PRKG2: variants seen among roughly 807,000 people sequenced by gnomAD.
The protein encoded by PRKG2 is protein kinase cGMP-dependent 2, also known as cGMP-dependent protein kinase 2.
PRKG2 carries 33 observed loss-of-function variants against 97.2 expected under a neutral mutation model. The ratio of observed to expected loss-of-function variants is 0.34; its 90% confidence interval spans 0.26 to 0.45. PRKG2 has a LOEUF of 0.45. Among genes scored for constraint, PRKG2 ranks in the 20% least tolerant of loss-of-function variants. PRKG2 has a pLI of 1.00. For missense variants in PRKG2, 638 were observed against 900.0 expected (o/e 0.71, Z 3.73); for synonymous variants, 330 against 321.8 (o/e 1.03, Z -0.27).
At chr4:81,125,329 AGAC>A (rs1179897707) in intron 14 of PRKG2, among the ~76,000 whole-genome samples, 11 of 152,170 alleles carry the variant, frequency 7.2e-5, no homozygotes, top group Admixed American at 3.9e-4. Flanking sequence ...TTTTTCTCAG[AGAC>A]GACCATTGTA....
intron 14 of PRKG2, among the ~76,000 whole-genome samples, chr4:81,125,089 T>A (rs561824036): frequency 2.0e-5 from 3 of 152,322 alleles, no homozygotes; most frequent in Admixed American, 1.3e-4. Context: ...CTTAAATGTA[T>A]CTTTCAGTTC....
chr4:81,186,001 T>G (rs369127563), intron 2 of PRKG2, among the ~76,000 whole-genome samples: 1 of 152,242 alleles, frequency 6.6e-6, no homozygotes, highest in South Asian at 2.1e-4. Context: ...CAAAGAGACT[T>G]AGCCTCCCAC....
intron 8 of PRKG2, among the ~76,000 whole-genome samples, 175 bp downstream of exon 8, chr4:81,151,785 C>A (rs1040227509): frequency 3.3e-5 from 5 of 152,078 alleles, no homozygotes; most frequent in African/African-American, 1.2e-4. Flanking sequence ...ATTTCCTCTG[C>A]AAATTAGCAT....
At chr4:81,135,722 G>A (rs891744127) in intron 13 of PRKG2, among the ~76,000 whole-genome samples, 1 of 152,052 alleles carries the variant, frequency 6.6e-6, no homozygotes, top group Non-Finnish European at 1.5e-5. Context: ...TGCATAGCAC[G>A]TCAGAGTAAC....
chr4:81,179,416 A>G (rs1167487912), intron 2 of PRKG2, among the ~76,000 whole-genome samples: 6 of 152,228 alleles, frequency 3.9e-5, no homozygotes, highest in African/African-American at 1.2e-4. Flanking sequence ...GCCTATTTCA[A>G]TATCTTTACC....
intron 17 of PRKG2, among the ~76,000 whole-genome samples, chr4:81,095,177 C>CA (rs1741996654): frequency 1.3e-5 from 2 of 152,162 alleles, no homozygotes; most frequent in Non-Finnish European, 1.5e-5. Flanking sequence ...GAACGAAAAA[C>CA]AGAGAGCAGA....
At position 81,155,177 on chromosome 4, in the gene PRKG2, CA is replaced by C. The variant is rs57874087; in HGVS notation, c.913-1457del. On this transcript the variant is annotated intron_variant, in intron 6 of 18. Transcript: ENST00000264399. ...TGGGCGACAGAGCGAGACTCCGTCTCAAAAAAAAAAAAAAGAAGAATGTATA... is the reference window on the plus strand; with the variant it reads ...TGGGCGACAGAGCGAGACTCCGTCTCAAAAAAAAAAAAAGAAGAATGTATA... Among the ~76,000 whole-genome samples, 185 of 74,298 alleles carry C rather than the reference CA, an allele frequency of 2.5e-3. 2 individuals carry two copies. The highest frequency in any genetic ancestry group is 3.4e-3 in the Admixed American group (25 of 7,422). 48.7% of individuals were successfully genotyped at this position (74,298 alleles called of 152,430 possible). A position where few individuals can be genotyped will look rare whatever the true frequency, so the allele number is the denominator to read the frequency against.
At chr4:81,151,447 T>C (rs1188570803) in intron 8 of PRKG2, among the ~76,000 whole-genome samples, 1 of 152,100 alleles carries the variant, frequency 6.6e-6, no homozygotes, top group African/African-American at 2.4e-5. Flanking sequence ...AATAAACTCA[T>C]ACCTCAAGAC....
intron 3 of PRKG2, 80 bp from the exon 4 acceptor site, chr4:81,171,884 A>C: frequency 1.1e-6 from 1 of 939,830 alleles, no homozygotes; most frequent in Non-Finnish European, 1.6e-6. Context: ...AAATAAAACA[A>C]TCATAAAGCA....
At chr4:81,092,490 AAGGAAGG>A in intron 17 of PRKG2, 38 bp from the exon 18 acceptor site, 1 of 1,018,124 alleles carries the variant, frequency 9.8e-7, no homozygotes, top group Non-Finnish European at 1.5e-6. Flanking sequence ...GGAAGGAAGG[AAGGAAGG>A]AAGGAAGGAA....
intron 17 of PRKG2, 58 bp from the exon 18 acceptor site, chr4:81,092,510 A>AAGGAAGGAAGGAAGGAAGGG: frequency 9.6e-7 from 1 of 1,046,994 alleles, no homozygotes. Context: ...GGAAGGAAGG[A>AAGGAAGGAAGGAAGGAAGGG]AGGGAGAAAG....
At chr4:81,175,029 A>G in intron 2 of PRKG2, 70 bp from the exon 3 acceptor site, 1 of 1,365,986 alleles carries the variant, frequency 7.3e-7, no homozygotes, top group Non-Finnish European at 9.9e-7. Flanking sequence ...GATTCACTTT[A>G]TTCTGATTCT....
intron 5 of PRKG2, among the ~76,000 whole-genome samples, chr4:81,168,979 T>C (rs17005073): frequency 0.11 from 16,569 of 151,998 alleles, 1,107 homozygotes; most frequent in Middle Eastern, 0.21. Flanking sequence ...AAAACTCCCA[T>C]TAAAGATACA....
At chr4:81,180,130 T>C (rs1389514019) in intron 2 of PRKG2, among the ~76,000 whole-genome samples, 3 of 151,750 alleles carry the variant, frequency 2.0e-5, no homozygotes, top group African/African-American at 4.8e-5. Context: ...TGAAACTCCA[T>C]CTCAAAAAAA....
At chr4:81,177,617 G>A (rs146452258) in intron 2 of PRKG2, among the ~76,000 whole-genome samples, 1,616 of 152,108 alleles carry the variant, frequency 0.011, 26 homozygotes, top group African/African-American at 0.036. Flanking sequence ...GGAGAATGGC[G>A]TGAACCCAGA....
intron 6 of PRKG2, among the ~76,000 whole-genome samples, chr4:81,156,256 CA>C (rs1553925613): frequency 2.0e-5 from 3 of 151,388 alleles, no homozygotes; most frequent in Non-Finnish European, 4.4e-5. Context: ...AAATGGAAAA[CA>C]AAAAAAGGCA....
intron 14 of PRKG2, among the ~76,000 whole-genome samples, chr4:81,134,382 T>C (rs1746461709): frequency 6.6e-6 from 1 of 152,206 alleles, no homozygotes; most frequent in African/African-American, 2.4e-5. Context: ...AAACTTTTAA[T>C]ATCTTTGTAA....
chr4:81,157,814 AC>A (rs1749237590), intron 6 of PRKG2, among the ~76,000 whole-genome samples: 1 of 150,790 alleles, frequency 6.6e-6, no homozygotes, highest in African/African-American at 2.5e-5. Flanking sequence ...TATAAACAGA[AC>A]CAAAGACAAA....
chr4:81,090,688 A>G (rs1214106087), intron 18 of PRKG2, among the ~76,000 whole-genome samples: 3 of 152,204 alleles, frequency 2.0e-5, no homozygotes, highest in African/African-American at 7.2e-5. Flanking sequence ...TTTATGATAG[A>G]TCATAATGTG....
Sources: allele counts gnomAD v4.1 joint callset (sites outside exome capture counted in the v4.1 genomes callset), GRCh38; gene constraint gnomAD v4.1.1; transcripts MANE v1.5; gene names NCBI Gene and HGNC (gene_info 2026-07-23, HGNC 2026-07-21).